Variants in PLCL1 observed in about 807,000 individuals in gnomAD.
PLCL1 encodes phospholipase C like 1 (inactive).
In PLCL1, 41 loss-of-function variants were observed where a neutral mutation model predicts 84.4. The observed-to-expected ratio is 0.49, with a 90% CI of 0.38 to 0.63. The LOEUF (loss-of-function observed/expected upper bound fraction) is 0.63, where lower values mean the gene tolerates loss of function less well. Ranked by LOEUF, PLCL1 falls within the 30% of genes least tolerant of loss-of-function variation. PLCL1 has a pLI of 0.00. For synonymous variants in PLCL1, 490 were observed against 488.3 expected, an observed-to-expected ratio of 1.00 and a Z score of -0.05; for missense variants, 1,206 against 1,367.8, an observed-to-expected ratio of 0.88 and a Z score of 1.87.
chr2:198,053,966 G>T (rs936075407), intron 1 of PLCL1, among the ~76,000 whole-genome samples: 4 of 152,302 alleles, frequency 2.6e-5, no homozygotes, highest in Admixed American at 6.5e-5. Flanking sequence ...TTATGGAGTT[G>T]CCTTTCTCTC....
At position 198,101,270 on chromosome 2, in the gene PLCL1, T is replaced by A; in HGVS notation, c.2920-15T>A. ...GATTCTGACAACCACCTTTTTGATG[T>A]TTATTTTGTAACAGATGATTCAAGA... On this transcript the variant is annotated splice_polypyrimidine_tract_variant and intron_variant, in intron 3 of 5. Transcript: ENST00000428675. 1 of 1,541,618 alleles carries A rather than the reference T, an allele frequency of 6.5e-7. No individual in the cohort carries two copies. Among genetic ancestry groups the A allele is most frequent in the Non-Finnish European group, 8.9e-7 (1 of 1,120,404 alleles).
At chr2:198,073,422 TAA>T (rs1268916971) in intron 1 of PLCL1, among the ~76,000 whole-genome samples, 1 of 152,200 alleles carries the variant, frequency 6.6e-6, no homozygotes, top group African/African-American at 2.4e-5. Context: ...CAATAAGGAT[TAA>T]AGTGTTAGAT....
At chr2:197,824,713 C>CAAAA (rs1163183876) in intron 1 of PLCL1, among the ~76,000 whole-genome samples, 3 of 55,550 alleles carry the variant, frequency 5.4e-5, no homozygotes, top group Admixed American at 2.0e-4. Context: ...GACCCTGTCT[C>CAAAA]AAAAAAAAAA....
intron 1 of PLCL1, among the ~76,000 whole-genome samples, chr2:198,066,753 G>A (rs1692330357): frequency 6.6e-6 from 1 of 152,002 alleles, no homozygotes; most frequent in Non-Finnish European, 1.5e-5. Flanking sequence ...TGTGTTAGTG[G>A]AGTCTCCTCA....
At chr2:197,832,087 T>C (rs866364183) in intron 1 of PLCL1, among the ~76,000 whole-genome samples, 1 of 151,880 alleles carries the variant, frequency 6.6e-6, no homozygotes, top group African/African-American at 2.4e-5. Flanking sequence ...AGCATCACGA[T>C]TAAAAGAACT....
rs1287091526 is a variant in PLCL1, at chr2:198,020,756, TA to T, written c.241-63001del. 2.0e-5 allele frequency among the ~76,000 whole-genome samples: 3 copies of T among 152,236 alleles called. No homozygotes were observed. The East Asian group carries it at 5.8e-4, about 29-fold the overall frequency. On this transcript the variant is annotated intron_variant, in intron 1 of 5. Transcript: ENST00000428675. ...CACCCAGATTCATAAAGCAAGTTCT[TA>T]GAGGCCTACAAAGAGACTTAGCCTC...
At chr2:198,017,778 T>C (rs1426243652) in intron 1 of PLCL1, among the ~76,000 whole-genome samples, 1 of 152,226 alleles carries the variant, frequency 6.6e-6, no homozygotes, top group African/African-American at 2.4e-5. Flanking sequence ...AAAATATTTT[T>C]CAGCAAGTTT....
intron 1 of PLCL1, among the ~76,000 whole-genome samples, chr2:197,855,162 C>T (rs1034173100): frequency 7.9e-5 from 12 of 152,142 alleles, no homozygotes; most frequent in African/African-American, 2.7e-4. Context: ...GAGAGGTGGG[C>T]TAAGGGAATA....
At chr2:198,046,521 G>A (rs10497812) in intron 1 of PLCL1, among the ~76,000 whole-genome samples, 111,108 of 152,128 alleles carry the variant, frequency 0.73, 41,407 homozygotes, top group African/African-American at 0.87. Context: ...CTTTATAATC[G>A]AGGGCTAAAT....
In PLCL1 at chr2:198,146,981, C is replaced by A; in HGVS notation, c.*19C>A. The A allele has an allele frequency of 6.4e-7, 1 of 1,555,150 alleles. No homozygotes were observed. The highest frequency in any genetic ancestry group is 1.2e-5 in the South Asian group (1 of 83,136). ...GCTGTGACTCTGGGCATTATCGACA[C>A]GTTCACCCATCTTATCAAGGACTCT... is the stretch of plus-strand genomic sequence containing the variant. On this transcript the variant is annotated 3_prime_UTR_variant, in exon 6 of 6. Transcript: ENST00000428675.
chr2:197,838,692 G>T (rs1208008460), intron 1 of PLCL1, among the ~76,000 whole-genome samples: 3 of 152,188 alleles, frequency 2.0e-5, no homozygotes, highest in African/African-American at 7.2e-5. Flanking sequence ...TTGACTTTAA[G>T]AGGGTGAGTG....
At chr2:197,880,093 G>C (rs1402810846) in intron 1 of PLCL1, among the ~76,000 whole-genome samples, 1 of 152,166 alleles carries the variant, frequency 6.6e-6, no homozygotes, top group Non-Finnish European at 1.5e-5. Flanking sequence ...TAATGAGGTA[G>C]AGAATTATTG....
At chr2:198,088,410 T>G (rs957177742) in intron 2 of PLCL1, among the ~76,000 whole-genome samples, 1 of 152,230 alleles carries the variant, frequency 6.6e-6, no homozygotes, top group Non-Finnish European at 1.5e-5. Context: ...AAATGTGCTT[T>G]CAGTGTGTGT....
At position 197,951,754 on chromosome 2, in the gene PLCL1, A is replaced by T. The variant is rs943376986; in HGVS notation, c.241-132004A>T. ...GCACTGTCCATAGGAAGGACGTTTTATTAAAGACTAGAAGACTGTTGTCAT... is the reference window on the plus strand; with the variant it reads ...GCACTGTCCATAGGAAGGACGTTTTTTTAAAGACTAGAAGACTGTTGTCAT... On this transcript the variant is annotated intron_variant, in intron 1 of 5. Transcript: ENST00000428675. Among the ~76,000 whole-genome samples, 4 of 152,188 alleles carry T rather than the reference A, an allele frequency of 2.6e-5. No individual in the cohort carries two copies. In the East Asian group the frequency reaches 7.7e-4, roughly 29 times the overall value.
intron 3 of PLCL1, among the ~76,000 whole-genome samples, chr2:198,097,000 A>G (rs1031717918): frequency 1.3e-5 from 2 of 152,226 alleles, no homozygotes; most frequent in African/African-American, 4.8e-5. Context: ...GCTTATTGAA[A>G]TCCATTTAAA....
rs755977603 is a variant in PLCL1, at chr2:198,084,786, G to C, written c.1269G>C (p.Arg423Ser). 1 of 1,614,056 alleles carries C rather than the reference G, an allele frequency of 6.2e-7. No homozygotes were observed. The highest frequency in any genetic ancestry group is 8.5e-7 in the Non-Finnish European group (1 of 1,179,976). ...CCTATCTAATAGAAGACCAGTTCAG[G>C]GGGCCAGCTGACATCAATGGGTACA... is the stretch of plus-strand genomic sequence containing the variant. ...HNTYLIEDQF[R>S]GPADINGYIR... The change falls in exon 2 of 6, where the codon AGG becomes AGC. Residue 423 changes from arginine (R) to serine (S), a missense_variant. Physicochemically the swap from Arg to Ser is moderately radical, Grantham distance 110. Transcript: ENST00000428675.
intron 2 of PLCL1, among the ~76,000 whole-genome samples, chr2:198,087,450 A>G (rs116618527): frequency 0.01 from 1,557 of 152,264 alleles, 15 homozygotes; most frequent in South Asian, 0.041. Context: ...TGCAAAGTGG[A>G]TATTATTCAA....
chr2:197,894,009 AGT>A (rs1292041049), intron 1 of PLCL1, among the ~76,000 whole-genome samples: 1 of 151,412 alleles, frequency 6.6e-6, no homozygotes, highest in Non-Finnish European at 1.5e-5. Flanking sequence ...AGGGTGATGG[AGT>A]GTGTGTGCAG....
At chr2:198,063,203 C>T (rs35062652) in intron 1 of PLCL1, among the ~76,000 whole-genome samples, 61,748 of 146,894 alleles carry the variant, frequency 0.42, 14,165 homozygotes, top group Middle Eastern at 0.64. Flanking sequence ...TTTAAAATAT[C>T]CTTAAATAAA....
Sources: allele counts gnomAD v4.1 joint callset (sites outside exome capture counted in the v4.1 genomes callset), GRCh38; gene constraint gnomAD v4.1.1; transcripts MANE v1.5; gene names NCBI Gene and HGNC (gene_info 2026-07-23, HGNC 2026-07-21).